CTNNA2: variants seen among roughly 807,000 people sequenced by gnomAD.
CTNNA2 encodes the protein catenin alpha-2.
A neutral mutation model predicts 101.0 loss-of-function variants in CTNNA2; 42 were observed. That is an observed-to-expected ratio of 0.42 (90% CI 0.32 to 0.54). CTNNA2 has a LOEUF of 0.54. Ranked by LOEUF, CTNNA2 falls within the 20% of genes least tolerant of loss-of-function variation. CTNNA2 has a pLI of 0.14. For missense variants in CTNNA2, 871 were observed against 1,223.1 expected (o/e 0.71, Z 4.29); for synonymous variants, 450 against 456.4 (o/e 0.99, Z 0.18).
chr2:79,698,901 G>A lies in CTNNA2; in HGVS notation c.103-45486G>A, dbSNP rs76761002. On this transcript the variant is annotated intron_variant, in intron 2 of 18. Transcript: ENST00000402739. The stretch of plus-strand genomic sequence containing the variant: ...TATCTCAGCAATACAGCAGTAAAGG[G>A]CAGTCTTCTACTAGCCTGTCACGTT... 7.2e-3 allele frequency among the ~76,000 whole-genome samples: 1,100 copies of A among 152,156 alleles called. 42 individuals are homozygous for A. The East Asian group carries it at 0.099, about 14-fold the overall frequency.
intron 2 of CTNNA2, among the ~76,000 whole-genome samples, chr2:79,214,855 C>T (rs1270214200): frequency 6.6e-6 from 1 of 151,818 alleles, no homozygotes; most frequent in South Asian, 2.1e-4. Context: ...TAAGTTGGCA[C>T]CAGAGTTGGG....
chr2:79,985,002 C>A (rs929630774), intron 7 of CTNNA2, among the ~76,000 whole-genome samples: 1 of 152,162 alleles, frequency 6.6e-6, no homozygotes, highest in Non-Finnish European at 1.5e-5. Context: ...TCTTGGCCTA[C>A]AAAGGCAGAG....
chr2:80,614,071 CAACTT>C (rs934178520), intron 17 of CTNNA2, among the ~76,000 whole-genome samples: 31 of 151,540 alleles, frequency 2.0e-4, no homozygotes, highest in African/African-American at 7.5e-4. Flanking sequence ...AAATAATTGA[CAACTT>C]AATTTATTAT....
intron 7 of CTNNA2, among the ~76,000 whole-genome samples, chr2:80,098,618 G>A (rs186100228): frequency 5.7e-4 from 87 of 152,342 alleles, no homozygotes; most frequent in African/African-American, 1.9e-3. Context: ...AGCCTACAGA[G>A]GCAGGCAGGC....
At chr2:79,507,075 C>A (rs1209119557) in intron 5 of CTNNA2, among the ~76,000 whole-genome samples, 1 of 152,094 alleles carries the variant, frequency 6.6e-6, no homozygotes, top group South Asian at 2.1e-4. Flanking sequence ...CTCAGCATAA[C>A]CTACTCCATA....
intron 2 of CTNNA2, among the ~76,000 whole-genome samples, chr2:79,260,685 C>T (rs1001480112): frequency 5.9e-5 from 9 of 151,940 alleles, no homozygotes; most frequent in African/African-American, 2.2e-4. Flanking sequence ...TTCTGGTGCC[C>T]CGGGTGGTTA....
rs761678163 is a variant in CTNNA2 at position 80,178,217 on chromosome 2, G to A, written c.1057-214994G>A. Among the ~76,000 whole-genome samples the A allele has an allele frequency of 5.3e-5, 8 of 152,152 alleles. No individual in the cohort carries two copies. The South Asian group carries it at 6.2e-4, about 12-fold the overall frequency. On this transcript the variant is annotated intron_variant, in intron 7 of 18. Transcript: ENST00000402739. The stretch of plus-strand genomic sequence containing the variant: ...CAAGGACCTGTTCAAGCCTGTTCAC[G>A]TACATACATATCATTTACATTTGAT...
intron 7 of CTNNA2, among the ~76,000 whole-genome samples, chr2:80,006,271 TAA>T (rs1407702692): frequency 2.0e-5 from 3 of 151,498 alleles, no homozygotes; most frequent in African/African-American, 7.3e-5. Flanking sequence ...GAAAGTGTAT[TAA>T]GTCTATCAGT....
intron 3 of CTNNA2, among the ~76,000 whole-genome samples, chr2:79,784,131 C>A (rs889379699): frequency 6.6e-5 from 10 of 152,114 alleles, no homozygotes; most frequent in African/African-American, 2.4e-4. Flanking sequence ...GCACCATCAC[C>A]CTCTCCCTGT....
At position 79,640,972 on chromosome 2, in the gene CTNNA2, G is replaced by A. The variant is rs575831794; in HGVS notation, c.-5-10580G>A. On this transcript the variant is annotated intron_variant, in intron 1 of 18. Coordinates refer to ENST00000402739, the MANE Select transcript of CTNNA2 (RefSeq NM_001282597.3). Reference sequence around the variant, plus strand: ...AGGGATTATGAAGGTGCAGGTTAAGGATGTCAGTATTTGGATATTGGAGGA... The same window carrying A: ...AGGGATTATGAAGGTGCAGGTTAAGAATGTCAGTATTTGGATATTGGAGGA... 2.0e-3 allele frequency among the ~76,000 whole-genome samples: 305 copies of A among 152,318 alleles called. 2 individuals are homozygous for A. The highest frequency in any genetic ancestry group is 3.4e-3 in the Non-Finnish European group (232 of 68,022).
At chr2:80,638,452 C>T (rs1485542828) in intron 18 of CTNNA2, among the ~76,000 whole-genome samples, 3 of 151,938 alleles carry the variant, frequency 2.0e-5, no homozygotes, top group East Asian at 1.9e-4. Context: ...TTGGGATAAG[C>T]GAGGGTGCTG....
chr2:80,335,887 C>A (rs1453167151), intron 7 of CTNNA2, among the ~76,000 whole-genome samples: 20 of 152,004 alleles, frequency 1.3e-4, no homozygotes, highest in Admixed American at 1.3e-3. Context: ...AAACCAAGAC[C>A]CAGAAAAGTT....
intron 1 of CTNNA2, among the ~76,000 whole-genome samples, chr2:79,646,486 C>T (rs1331923047): frequency 2.6e-5 from 4 of 151,334 alleles, no homozygotes; most frequent in African/African-American, 9.7e-5. Context: ...TGTATTATTA[C>T]CTTACATGGA....
chr2:80,455,980 A>G (rs1338305005), intron 9 of CTNNA2, among the ~76,000 whole-genome samples: 1 of 152,230 alleles, frequency 6.6e-6, no homozygotes, highest in Non-Finnish European at 1.5e-5. Flanking sequence ...TAGTCACACT[A>G]TGGCTCTAAA....
At chr2:80,337,994 CT>C (rs59516673) in intron 7 of CTNNA2, among the ~76,000 whole-genome samples, 101 of 145,056 alleles carry the variant, frequency 7.0e-4, no homozygotes, top group Admixed American at 9.7e-4. Flanking sequence ...GTTTACTTTT[CT>C]TTTTTTTTTT....
intron 2 of CTNNA2, among the ~76,000 whole-genome samples, chr2:79,311,492 G>A (rs1472661360): frequency 1.3e-5 from 2 of 150,566 alleles, no homozygotes; most frequent in Non-Finnish European, 2.9e-5. Flanking sequence ...ACAATCACCT[G>A]TCACTATTGG....
At chr2:79,487,783 C>T (rs1342480335) in intron 4 of CTNNA2, among the ~76,000 whole-genome samples, 2 of 152,086 alleles carry the variant, frequency 1.3e-5, no homozygotes, top group East Asian at 3.9e-4. Context: ...ACCCAGAAAA[C>T]AATGAAAGAG....
At chr2:79,254,543 G>T (rs746346584) in intron 2 of CTNNA2, among the ~76,000 whole-genome samples, 6 of 152,280 alleles carry the variant, frequency 3.9e-5, no homozygotes, top group African/African-American at 7.2e-5. Flanking sequence ...TCTCCCCGAG[G>T]CTTCCCCAGA....
chr2:79,354,622 A>C (rs1215294506), intron 3 of CTNNA2, among the ~76,000 whole-genome samples: 2 of 152,022 alleles, frequency 1.3e-5, no homozygotes, highest in Non-Finnish European at 1.5e-5. Context: ...TTTCTGTTGC[A>C]TCTTATTGAG....
Sources: allele counts gnomAD v4.1 joint callset (sites outside exome capture counted in the v4.1 genomes callset), GRCh38; gene constraint gnomAD v4.1.1; transcripts MANE v1.5; gene names NCBI Gene and HGNC (gene_info 2026-07-23, HGNC 2026-07-21).